NAALADL2: variants seen among roughly 807,000 people sequenced by gnomAD.
NAALADL2 encodes N-acetylated alpha-linked acidic dipeptidase like 2.
In NAALADL2, 76 loss-of-function variants were observed where a neutral mutation model predicts 87.2. The observed-to-expected ratio is 0.87, with a 90% confidence interval of 0.72 to 1.05. The LOEUF (loss-of-function observed/expected upper bound fraction) is 1.05, where lower values mean the gene tolerates loss of function less well. NAALADL2 is among the 50% of genes least tolerant of loss of function. The pLI is 0.00. For missense variants in NAALADL2, 1,089 were observed against 945.8 expected, an observed-to-expected ratio of 1.15 and a Z score of -1.99; for synonymous variants, 354 against 331.0, an observed-to-expected ratio of 1.07 and a Z score of -0.75.
At chr3:175,310,847 A>G (rs780766848) in intron 4 of NAALADL2, among the ~76,000 whole-genome samples, 2 of 152,130 alleles carry the variant, frequency 1.3e-5, no homozygotes, top group Non-Finnish European at 2.9e-5. Flanking sequence ...TTTATGATTT[A>G]ATATCAAACA....
intron 2 of NAALADL2, among the ~76,000 whole-genome samples, chr3:175,101,517 A>G (rs1722169297): frequency 6.6e-6 from 1 of 152,150 alleles, no homozygotes; most frequent in African/African-American, 2.4e-5. Context: ...GCCTCTAATA[A>G]TGTATTTTTT....
chr3:174,448,177 G>A (rs1324908475), intron 1 of NAALADL2, among the ~76,000 whole-genome samples: 2 of 152,158 alleles, frequency 1.3e-5, no homozygotes, highest in Non-Finnish European at 2.9e-5. Flanking sequence ...AGAATGGTAT[G>A]AAAAGGTACT....
chr3:174,657,710 T>C (rs905971012), intron 2 of NAALADL2, among the ~76,000 whole-genome samples: 1 of 152,182 alleles, frequency 6.6e-6, no homozygotes, highest in Non-Finnish European at 1.5e-5. Context: ...TATAATATCA[T>C]GTATCCAACA....
At chr3:174,892,483 G>A (rs374942369) in intron 1 of NAALADL2, among the ~76,000 whole-genome samples, 200 of 152,186 alleles carry the variant, frequency 1.3e-3, no homozygotes, top group African/African-American at 4.7e-3. Context: ...ACATCTGTAC[G>A]ATCTAGAAAA....
intron 3 of NAALADL2, among the ~76,000 whole-genome samples, chr3:174,748,343 A>T (rs201413408): frequency 1.1e-3 from 54 of 49,648 alleles, no homozygotes; most frequent in Admixed American, 2.8e-3. Flanking sequence ...TTTTTTTTTT[A>T]AAAAGAGGCC....
chr3:175,288,598 T>A lies in NAALADL2; in HGVS notation c.939+32068T>A, dbSNP rs375262729. ...CATTGCTTTTCTTGCTGCTCCTTAG[T>A]CAAGGGTGTTTCTGTAGACTTACGT... is the stretch of plus-strand genomic sequence containing the variant. On this transcript the variant is annotated intron_variant, in intron 4 of 13. Coordinates refer to ENST00000454872, the MANE Select transcript of NAALADL2 (RefSeq NM_207015.3). 5.3e-5 allele frequency among the ~76,000 whole-genome samples: 8 copies of A among 152,086 alleles called. No individual in the cohort carries two copies. In the East Asian group the frequency reaches 1.4e-3, roughly 26 times the overall value.
At chr3:175,376,270 T>G (rs891496541) in intron 5 of NAALADL2, among the ~76,000 whole-genome samples, 1 of 152,144 alleles carries the variant, frequency 6.6e-6, no homozygotes, top group Non-Finnish European at 1.5e-5. Flanking sequence ...GAACTTATTT[T>G]AACATGTCTT....
chr3:174,815,215 A>G (rs1377944571), intron 3 of NAALADL2, among the ~76,000 whole-genome samples: 1 of 152,094 alleles, frequency 6.6e-6, no homozygotes, highest in Non-Finnish European at 1.5e-5. Flanking sequence ...AAAGTATACC[A>G]CAGACTGGGT....
At chr3:174,973,624 TC>T (rs1743989742) in intron 1 of NAALADL2, among the ~76,000 whole-genome samples, 1 of 152,204 alleles carries the variant, frequency 6.6e-6, no homozygotes, top group Non-Finnish European at 1.5e-5. Context: ...GTTAGGCAGT[TC>T]CGTCATTGTG....
intron 3 of NAALADL2, among the ~76,000 whole-genome samples, chr3:174,783,546 G>A (rs745578170): frequency 1.3e-5 from 2 of 152,116 alleles, no homozygotes; most frequent in East Asian, 1.9e-4. Context: ...TTTTGCAACC[G>A]TGGCAAATTG....
intron 2 of NAALADL2, among the ~76,000 whole-genome samples, chr3:175,199,833 TATATATATATATATATATATATATATATA>T (rs1739574375): frequency 8.3e-5 from 1 of 12,042 alleles, no homozygotes; most frequent in East Asian, 2.7e-3. Context: ...TATATATATA[TATATATATATATATATATATATATATATA>T]TATTTTTTTT....
chr3:175,551,910 G>A (rs1360874399), intron 9 of NAALADL2, among the ~76,000 whole-genome samples: 1 of 123,582 alleles, frequency 8.1e-6, no homozygotes, highest in Non-Finnish European at 1.6e-5. Flanking sequence ...GCAGCAGAGC[G>A]AGACTCTGTC....
chr3:175,707,675 T>C (rs1739914658), intron 11 of NAALADL2, among the ~76,000 whole-genome samples: 2 of 152,108 alleles, frequency 1.3e-5, no homozygotes, highest in African/African-American at 4.8e-5. Context: ...TATAGAGATA[T>C]TATGGGATTT....
At chr3:174,882,712 C>T (rs1469743025) in intron 1 of NAALADL2, among the ~76,000 whole-genome samples, 1 of 132,960 alleles carries the variant, frequency 7.5e-6, no homozygotes, top group Non-Finnish European at 1.5e-5. Flanking sequence ...TGTGTATCTA[C>T]ACATATATGT....
At chr3:174,509,341 T>C (rs1446197246) in intron 1 of NAALADL2, among the ~76,000 whole-genome samples, 1 of 151,662 alleles carries the variant, frequency 6.6e-6, no homozygotes, top group East Asian at 1.9e-4. Context: ...ATAATGGCAA[T>C]TTATTTTCTC....
intron 1 of NAALADL2, among the ~76,000 whole-genome samples, chr3:174,883,452 G>C (rs79092550): frequency 0.042 from 6,462 of 152,134 alleles, 424 homozygotes; most frequent in African/African-American, 0.14. Flanking sequence ...CTTCATACAA[G>C]CGGAAATGCA....
chr3:174,832,076 T>C (rs958588418), intron 3 of NAALADL2, among the ~76,000 whole-genome samples: 2 of 152,198 alleles, frequency 1.3e-5, no homozygotes, highest in African/African-American at 2.4e-5. Context: ...GGTTCATTAA[T>C]TTTTTGAAGG....
At position 175,390,411 on chromosome 3, in the gene NAALADL2, A is replaced by G. The variant is rs530165437; in HGVS notation, c.1091-56818A>G. On this transcript the variant is annotated intron_variant, in intron 5 of 13. Coordinates refer to ENST00000454872, the MANE Select transcript of NAALADL2 (RefSeq NM_207015.3). ...GCCAAACGTTTAAATTTTTAAAGCA[A>G]GGAAATTGGTAAATTCAGGAAACTA... Among the ~76,000 whole-genome samples, 9 of 152,352 alleles carry G rather than the reference A, an allele frequency of 5.9e-5. 1 individual carries two copies. The highest frequency in any genetic ancestry group is 1.9e-4 in the African/African-American group (8 of 41,594).
chr3:175,209,736 A>G (rs376315788), intron 2 of NAALADL2, among the ~76,000 whole-genome samples: 3 of 151,718 alleles, frequency 2.0e-5, no homozygotes, highest in South Asian at 4.1e-4. Context: ...GTGTATATTT[A>G]TGAAGAGCAG....
Sources: allele counts gnomAD v4.1 joint callset (sites outside exome capture counted in the v4.1 genomes callset), GRCh38; gene constraint gnomAD v4.1.1; transcripts MANE v1.5; gene names NCBI Gene and HGNC (gene_info 2026-07-23, HGNC 2026-07-21).